SLC24A2: variants seen among roughly 807,000 people sequenced by gnomAD.
The protein encoded by SLC24A2 is solute carrier family 24 member 2, also known as sodium/potassium/calcium exchanger 2.
SLC24A2 carries 36 observed loss-of-function variants against 62.0 expected under a neutral mutation model. That is an observed-to-expected ratio of 0.58 (90% CI 0.44 to 0.77). The LOEUF is 0.77. SLC24A2 is among the 30% of genes least tolerant of loss of function. The pLI, the probability that SLC24A2 is intolerant of heterozygous loss-of-function variation, is 0.00. For synonymous variants in SLC24A2, 358 were observed against 294.0 expected, an observed-to-expected ratio of 1.22 and a Z score of -2.23; for missense variants, 846 against 817.9, an observed-to-expected ratio of 1.03 and a Z score of -0.42.
chr9:19,514,909 A>G lies in SLC24A2; in HGVS notation c.*1244T>C, dbSNP rs117236456. 1 of 152,166 alleles carries G rather than the reference A, an allele frequency of 6.6e-6. No individual in the cohort carries two copies. Among genetic ancestry groups the G allele is most frequent in the Non-Finnish European group, 1.5e-5 (1 of 68,040 alleles). 9.4% of individuals were successfully genotyped at this position (152,166 alleles called of 1,614,324 possible). On this transcript the variant is annotated 3_prime_UTR_variant, in exon 11 of 11. Coordinates refer to ENST00000341998, the MANE Select transcript of SLC24A2 (RefSeq NM_020344.4). ...TGCTGATCAGAGTTAAGTTAGTGCT[A>G]TTGGGAATAATGATTTCTTCAGACA...
At chr9:19,884,267 G>T in the SLC24A2 span, among the ~76,000 whole-genome samples, 2 of 123,276 alleles carry the variant, frequency 1.6e-5, no homozygotes, top group Non-Finnish European at 3.4e-5. Context: ...CAGTGTTTAT[G>T]AGCCCTATTC....
chr9:20,211,602 A>G, the SLC24A2 span, among the ~76,000 whole-genome samples: 2 of 152,222 alleles, frequency 1.3e-5, no homozygotes, highest in East Asian at 1.9e-4. Context: ...ATGTAAATCT[A>G]TAGTAATTGT....
At chr9:19,953,305 C>A in the SLC24A2 span, among the ~76,000 whole-genome samples, 1 of 151,882 alleles carries the variant, frequency 6.6e-6, no homozygotes, top group Non-Finnish European at 1.5e-5. Flanking sequence ...ATCTTAGAAG[C>A]ACATGAAAAC....
chr9:19,690,041 C>G (rs552457748), intron 2 of SLC24A2, among the ~76,000 whole-genome samples: 2 of 152,142 alleles, frequency 1.3e-5, no homozygotes, highest in African/African-American at 4.8e-5. Flanking sequence ...AATTTCCAGA[C>G]AGACACCAGC....
the SLC24A2 span, among the ~76,000 whole-genome samples, chr9:20,099,345 G>T: frequency 6.6e-6 from 1 of 152,094 alleles, no homozygotes; most frequent in Admixed American, 6.5e-5. Flanking sequence ...TCTGGAAAAG[G>T]GCACTTACCT....
At chr9:20,280,306 T>G in the SLC24A2 span, among the ~76,000 whole-genome samples, 1 of 152,200 alleles carries the variant, frequency 6.6e-6, no homozygotes, top group Admixed American at 6.5e-5. Flanking sequence ...CATTTTTTTG[T>G]ACCCCTTGTT....
chr9:20,105,408 C>A, the SLC24A2 span, among the ~76,000 whole-genome samples: 1 of 151,756 alleles, frequency 6.6e-6, no homozygotes, highest in Non-Finnish European at 1.5e-5. Flanking sequence ...TTTTTCAGCA[C>A]CACACCACAC....
chr9:19,736,703 C>G (rs1031299712), intron 2 of SLC24A2, among the ~76,000 whole-genome samples: 1 of 151,986 alleles, frequency 6.6e-6, no homozygotes, highest in Admixed American at 6.6e-5. Flanking sequence ...AAAAATAAAA[C>G]TAGCCAAGTG....
At chr9:19,535,587 C>T (rs541491174) in intron 8 of SLC24A2, among the ~76,000 whole-genome samples, 1 of 152,286 alleles carries the variant, frequency 6.6e-6, no homozygotes, top group South Asian at 2.1e-4. Context: ...CCAATTTTCC[C>T]AGCACCATTG....
At chr9:20,040,060 ATTG>A in the SLC24A2 span, among the ~76,000 whole-genome samples, 1 of 152,214 alleles carries the variant, frequency 6.6e-6, no homozygotes, top group African/African-American at 2.4e-5. Context: ...TCATAAATTG[ATTG>A]TTGTGAAGTA....
the SLC24A2 span, among the ~76,000 whole-genome samples, chr9:20,111,433 T>C: frequency 6.6e-6 from 1 of 152,202 alleles, no homozygotes; most frequent in African/African-American, 2.4e-5. Context: ...CTGCACCGTC[T>C]CTTATTGCTT....
At chr9:19,988,464 T>C in the SLC24A2 span, among the ~76,000 whole-genome samples, 1 of 152,164 alleles carries the variant, frequency 6.6e-6, no homozygotes, top group African/African-American at 2.4e-5. Context: ...CAACTCAAAA[T>C]CAACTGTTCC....
chr9:19,802,414 C>A, the SLC24A2 span, among the ~76,000 whole-genome samples: 2 of 152,116 alleles, frequency 1.3e-5, no homozygotes, highest in Admixed American at 1.3e-4. Context: ...TACAAATACC[C>A]AGGATGAAGG....
chr9:19,959,923 C>T, the SLC24A2 span, among the ~76,000 whole-genome samples: 1 of 152,218 alleles, frequency 6.6e-6, no homozygotes, highest in Non-Finnish European at 1.5e-5. Context: ...AAAGTTTATA[C>T]ACCTAGTAAG....
intron 8 of SLC24A2, among the ~76,000 whole-genome samples, chr9:19,531,500 A>G (rs1833705857): frequency 6.6e-6 from 1 of 152,200 alleles, no homozygotes; most frequent in African/African-American, 2.4e-5. Flanking sequence ...GTTGTGGTTT[A>G]CTTACATAAT....
intron 2 of SLC24A2, among the ~76,000 whole-genome samples, chr9:19,707,340 G>A (rs1157540981): frequency 6.6e-6 from 1 of 152,094 alleles, no homozygotes; most frequent in Non-Finnish European, 1.5e-5. Flanking sequence ...AGGAGGAGCT[G>A]GTACCATTCC....
At chr9:19,609,961 G>A (rs1837101860) in intron 4 of SLC24A2, among the ~76,000 whole-genome samples, 1 of 152,178 alleles carries the variant, frequency 6.6e-6, no homozygotes, top group Non-Finnish European at 1.5e-5. Context: ...AGCTCAGGCG[G>A]TCATGCTCAC....
chr9:19,795,388 G>A, the SLC24A2 span, among the ~76,000 whole-genome samples: 2 of 151,126 alleles, frequency 1.3e-5, no homozygotes, highest in African/African-American at 4.9e-5. Flanking sequence ...CTCTCCACTT[G>A]CCTCTCTTTT....
intron 8 of SLC24A2, among the ~76,000 whole-genome samples, chr9:19,549,553 C>G (rs1475109874): frequency 6.6e-6 from 1 of 152,182 alleles, no homozygotes; most frequent in Admixed American, 6.5e-5. Context: ...ATTTCACTAT[C>G]CTGAGGCTAC....
Sources: allele counts gnomAD v4.1 joint callset (sites outside exome capture counted in the v4.1 genomes callset), GRCh38; gene constraint gnomAD v4.1.1; transcripts MANE v1.5; gene names NCBI Gene and HGNC (gene_info 2026-07-23, HGNC 2026-07-21).